Variants in EPHA6 observed in about 807,000 individuals in gnomAD.
EPHA6 encodes the protein ephrin type-A receptor 6.
A neutral mutation model predicts 112.0 loss-of-function variants in EPHA6; 50 were observed. The observed-to-expected ratio is 0.45, with a 90% confidence interval of 0.36 to 0.56. The LOEUF is 0.56. EPHA6 is among the 20% of genes least tolerant of loss of function. The pLI, the probability that EPHA6 is intolerant of heterozygous loss-of-function variation, is 0.00. For missense variants in EPHA6, 1,280 were observed against 1,417.4 expected (o/e 0.90, Z 1.56); for synonymous variants, 529 against 490.7 (o/e 1.08, Z -1.03).
intron 12 of EPHA6, among the ~76,000 whole-genome samples, chr3:97,594,670 A>G (rs1157355866): frequency 6.6e-6 from 1 of 152,198 alleles, no homozygotes; most frequent in Non-Finnish European, 1.5e-5. Context: ...TTGTGTAAAG[A>G]GGAATGAAGC....
intron 3 of EPHA6, among the ~76,000 whole-genome samples, chr3:97,114,769 G>C (rs1355446972): frequency 1.3e-5 from 2 of 151,972 alleles, no homozygotes; most frequent in Non-Finnish European, 2.9e-5. Flanking sequence ...GTGTACATAG[G>C]AGGGACAAAG....
At chr3:97,661,566 G>C (rs918675230) in intron 14 of EPHA6, among the ~76,000 whole-genome samples, 1 of 152,024 alleles carries the variant, frequency 6.6e-6, no homozygotes, top group African/African-American at 2.4e-5. Context: ...AACTTTTTAA[G>C]AACACAAAAC....
chr3:97,124,781 T>C (rs1448419054), intron 3 of EPHA6, among the ~76,000 whole-genome samples: 4 of 152,136 alleles, frequency 2.6e-5, no homozygotes, highest in African/African-American at 7.2e-5. Context: ...AATGCAGAAA[T>C]GTGTGCTCTA....
At chr3:96,922,221 C>G (rs576048042) in intron 2 of EPHA6, among the ~76,000 whole-genome samples, 6 of 152,244 alleles carry the variant, frequency 3.9e-5, no homozygotes, top group Admixed American at 3.9e-4. Flanking sequence ...TGATGAGAGA[C>G]AGCATTCATT....
At chr3:97,610,525 G>A (rs1224816176) in intron 12 of EPHA6, among the ~76,000 whole-genome samples, 2 of 151,600 alleles carry the variant, frequency 1.3e-5, no homozygotes, top group Non-Finnish European at 3.0e-5. Context: ...ACAAGTGATT[G>A]CAGGGCTTTA....
chr3:97,669,021 T>G (rs2030488162), intron 14 of EPHA6, among the ~76,000 whole-genome samples: 1 of 151,316 alleles, frequency 6.6e-6, no homozygotes, highest in African/African-American at 2.4e-5. Flanking sequence ...CTTCTGGTAT[T>G]GATCCAGTAT....
chr3:96,911,177 TTAATC>T (rs2039195630), intron 2 of EPHA6, among the ~76,000 whole-genome samples: 1 of 152,088 alleles, frequency 6.6e-6, no homozygotes, highest in South Asian at 2.1e-4. Flanking sequence ...AGTTTTCTGT[TTAATC>T]TGATGAGCAT....
chr3:97,129,276 G>A (rs539492763), intron 3 of EPHA6, among the ~76,000 whole-genome samples: 5 of 152,160 alleles, frequency 3.3e-5, no homozygotes, highest in African/African-American at 1.2e-4. Context: ...GAGGTGGGCA[G>A]ATCACGAGAT....
intron 5 of EPHA6, among the ~76,000 whole-genome samples, chr3:97,389,743 G>A (rs1010493779): frequency 2.2e-4 from 33 of 152,144 alleles, no homozygotes; most frequent in Admixed American, 9.8e-4. Context: ...TATTCATTTT[G>A]AATAATAATT....
intron 11 of EPHA6, among the ~76,000 whole-genome samples, chr3:97,547,898 T>A (rs2092976916): frequency 6.6e-6 from 1 of 152,212 alleles, no homozygotes; most frequent in African/African-American, 2.4e-5. Flanking sequence ...GGTGTGCCAT[T>A]TTTTAAGCCC....
chr3:97,310,871 T>C (rs1236210148), intron 5 of EPHA6, among the ~76,000 whole-genome samples: 1 of 151,744 alleles, frequency 6.6e-6, no homozygotes, highest in East Asian at 1.9e-4. Context: ...GATTCATTTG[T>C]ATGGTACAAT....
chr3:97,078,904 T>A (rs2046625950), intron 3 of EPHA6, among the ~76,000 whole-genome samples: 1 of 152,122 alleles, frequency 6.6e-6, no homozygotes, highest in Non-Finnish European at 1.5e-5. Flanking sequence ...GTTTAGAATG[T>A]TGCATCAACT....
chr3:97,150,334 C>T (rs372318545), intron 3 of EPHA6, among the ~76,000 whole-genome samples: 113 of 152,036 alleles, frequency 7.4e-4, no homozygotes, highest in African/African-American at 1.4e-3. Context: ...TTTTTGAAGA[C>T]GTTTGTATAG....
At chr3:97,158,098 A>G (rs1167555217) in intron 3 of EPHA6, among the ~76,000 whole-genome samples, 1 of 152,158 alleles carries the variant, frequency 6.6e-6, no homozygotes, top group African/African-American at 2.4e-5. Flanking sequence ...AAAACACACT[A>G]ATATGTTAGA....
intron 2 of EPHA6, among the ~76,000 whole-genome samples, chr3:96,890,129 AAAAC>A (rs1168147721): frequency 6.6e-6 from 1 of 152,026 alleles, no homozygotes; most frequent in Non-Finnish European, 1.5e-5. Flanking sequence ...AATAAAAAAA[AAAAC>A]ATAAAAATAT....
chr3:97,515,298 T>A (rs1435998636), intron 10 of EPHA6, among the ~76,000 whole-genome samples: 2 of 152,176 alleles, frequency 1.3e-5, no homozygotes, highest in Non-Finnish European at 2.9e-5. Flanking sequence ...TGAAAGTGGG[T>A]GGTAGCAATA....
At chr3:97,178,295 G>A (rs951310376) in intron 3 of EPHA6, among the ~76,000 whole-genome samples, 14 of 151,860 alleles carry the variant, frequency 9.2e-5, no homozygotes, top group Admixed American at 1.3e-4. Context: ...ATATCTTACG[G>A]TATTCACTAT....
chr3:97,541,737 T>G (rs200534088), intron 11 of EPHA6, among the ~76,000 whole-genome samples: 1,976 of 147,146 alleles, frequency 0.013, 34 homozygotes, highest in African/African-American at 0.043. Flanking sequence ...GTTTTTTTTT[T>G]TTTGTTTGTT....
chr3:97,066,190 AATT>A (rs1231635640), intron 3 of EPHA6, among the ~76,000 whole-genome samples: 2 of 151,970 alleles, frequency 1.3e-5, no homozygotes, highest in African/African-American at 4.8e-5. Context: ...ATTTGTTTTG[AATT>A]AAGAGTGTTT....
Sources: allele counts gnomAD v4.1 joint callset (sites outside exome capture counted in the v4.1 genomes callset), GRCh38; gene constraint gnomAD v4.1.1; transcripts MANE v1.5; gene names NCBI Gene and HGNC (gene_info 2026-07-23, HGNC 2026-07-21).